ZFAT: variants seen among roughly 807,000 people sequenced by gnomAD.
ZFAT encodes the protein zinc finger and AT-hook domain containing.
ZFAT carries 64 observed loss-of-function variants against 117.7 expected under a neutral mutation model. The ratio of observed to expected loss-of-function variants is 0.54; its 90% CI spans 0.44 to 0.67. The LOEUF (loss-of-function observed/expected upper bound fraction) is 0.67. Among genes scored for constraint, ZFAT ranks in the 30% least tolerant of loss-of-function variants. The pLI is 0.00. For missense variants in ZFAT, 1,433 were observed against 1,584.5 expected (o/e 0.90, Z 1.62); for synonymous variants, 679 against 615.0 (o/e 1.10, Z -1.54).
At chr8:134,528,725 T>C (rs924448491) in intron 12 of ZFAT, among the ~76,000 whole-genome samples, 5 of 152,220 alleles carry the variant, frequency 3.3e-5, no homozygotes, top group African/African-American at 4.8e-5. Context: ...GAGAAGCAGC[T>C]AACTCCGCTC....
chr8:134,816,082 G>A, the ZFAT span, among the ~76,000 whole-genome samples: 8,174 of 152,228 alleles, frequency 0.054, 313 homozygotes, highest in Non-Finnish European at 0.08. Context: ...ATATAGTAAA[G>A]GGAGCTGCAT....
At chr8:134,805,462 CCT>C in the ZFAT span, among the ~76,000 whole-genome samples, 3 of 152,120 alleles carry the variant, frequency 2.0e-5, no homozygotes, top group Admixed American at 6.5e-5. Context: ...ACTTTCTTCC[CCT>C]GTCTCCAGCT....
chr8:134,710,810 GC>G (rs1489798363), intron 1 of ZFAT, among the ~76,000 whole-genome samples: 1 of 152,190 alleles, frequency 6.6e-6, no homozygotes, highest in Non-Finnish European at 1.5e-5. Context: ...CACTATCTCA[GC>G]CACACATATG....
intron 10 of ZFAT, among the ~76,000 whole-genome samples, chr8:134,578,411 CAAAAA>C (rs778606284): frequency 1.5e-5 from 1 of 68,424 alleles, no homozygotes. Flanking sequence ...AACTCTGTCT[CAAAAA>C]AAAAAAAAAA....
chr8:134,812,465 T>C, the ZFAT span, among the ~76,000 whole-genome samples: 2 of 152,214 alleles, frequency 1.3e-5, no homozygotes, highest in African/African-American at 4.8e-5. Flanking sequence ...GCGCAGTGGC[T>C]CATGCCTGTA....
chr8:134,754,358 A>C, the ZFAT span, among the ~76,000 whole-genome samples: 1 of 152,342 alleles, frequency 6.6e-6, no homozygotes, highest in Middle Eastern at 3.4e-3. Flanking sequence ...ATCTAGTAAT[A>C]AGTTTCCTCA....
chr8:134,712,869 C>T lies in ZFAT; in HGVS notation c.-6G>A. The T allele has an allele frequency of 6.7e-7, 1 of 1,492,346 alleles. No individual in the cohort carries two copies. The highest frequency in any genetic ancestry group is 8.9e-7 in the Non-Finnish European group (1 of 1,120,368). The allele number at this position is 1,492,346 out of a possible 1,614,324, so 92.4% of individuals were successfully genotyped here. On this transcript the variant is annotated 5_prime_UTR_variant, in exon 1 of 16. Coordinates refer to ENST00000377838, the MANE Select transcript of ZFAT (RefSeq NM_020863.4). ...CCTGCCGCCCGCGTCTCCATGGCAA[C>T]GCCCCACCGCGGAGGAAAAAAAAGC...
chr8:134,779,179 T>C, the ZFAT span, among the ~76,000 whole-genome samples: 1 of 152,210 alleles, frequency 6.6e-6, no homozygotes, highest in Non-Finnish European at 1.5e-5. Flanking sequence ...AGAAAGTGTC[T>C]TGTTTTTTTC....
chr8:134,605,706 G>C (rs192828060), intron 5 of ZFAT, among the ~76,000 whole-genome samples: 1 of 152,304 alleles, frequency 6.6e-6, no homozygotes, highest in East Asian at 1.9e-4. Flanking sequence ...GTTAAGAATG[G>C]GAAGCTGTTC....
At chr8:134,486,521 T>C (rs552940385) in intron 15 of ZFAT, among the ~76,000 whole-genome samples, 4 of 152,222 alleles carry the variant, frequency 2.6e-5, no homozygotes, top group Non-Finnish European at 5.9e-5. Context: ...GTAGATGTCA[T>C]TAATGTCCTT....
At chr8:134,595,550 C>T (rs1826862788) in intron 7 of ZFAT, among the ~76,000 whole-genome samples, 1 of 152,136 alleles carries the variant, frequency 6.6e-6, no homozygotes, top group Admixed American at 6.5e-5. Flanking sequence ...CACATCAGAA[C>T]CTAAAGCCTC....
At chr8:134,579,063 A>G (rs146572801) in intron 10 of ZFAT, among the ~76,000 whole-genome samples, 74 of 152,348 alleles carry the variant, frequency 4.9e-4, no homozygotes, top group African/African-American at 1.7e-3. Context: ...TCTCTTTACA[A>G]ACTTTGGCAA....
intron 15 of ZFAT, among the ~76,000 whole-genome samples, chr8:134,479,514 G>C (rs1336954998): frequency 6.6e-6 from 1 of 152,322 alleles, no homozygotes; most frequent in South Asian, 2.1e-4. Context: ...AATAACAACT[G>C]TCTTTGATCT....
chr8:134,604,911 G>C (rs1164214368), intron 5 of ZFAT, among the ~76,000 whole-genome samples: 2 of 152,178 alleles, frequency 1.3e-5, no homozygotes, highest in Non-Finnish European at 2.9e-5. Context: ...CACAAAGAAT[G>C]CCAAAGAAAG....
intron 10 of ZFAT, 57 bp downstream of exon 10, chr8:134,583,775 C>T (rs557335516): frequency 6.3e-7 from 1 of 1,581,592 alleles, no homozygotes; most frequent in African/African-American, 1.3e-5. Context: ...CAAACTGGAA[C>T]ATCAGCTTCA....
In ZFAT at chr8:134,509,791, G is replaced by A. The variant is rs781283700; in HGVS notation, c.3362-42C>T. 4 of 1,549,262 alleles carry A rather than the reference G, an allele frequency of 2.6e-6. No individual in the cohort carries two copies. The East Asian group carries it at 9.0e-5, about 35-fold the overall frequency. ...AAAGAGGACACCATTCAGGCCACTG[G>A]TGCTGAAGGACATGGAATGCAAAAC... On this transcript the variant is annotated intron_variant, in intron 14 of 15. Coordinates refer to ENST00000377838, the MANE Select transcript of ZFAT (RefSeq NM_020863.4).
chr8:134,782,474 T>C, the ZFAT span, among the ~76,000 whole-genome samples: 3 of 152,224 alleles, frequency 2.0e-5, no homozygotes, highest in Non-Finnish European at 4.4e-5. Flanking sequence ...TTTCCATAGT[T>C]CTAAGCTAAG....
chr8:134,676,257 A>C (rs1832797026), intron 1 of ZFAT, among the ~76,000 whole-genome samples: 1 of 35,118 alleles, frequency 2.8e-5, no homozygotes, highest in Non-Finnish European at 5.9e-5. Context: ...ATGGAAAGCA[A>C]AAAAAAAAAA....
chr8:134,656,578 T>A (rs1016086107), intron 2 of ZFAT, among the ~76,000 whole-genome samples: 2 of 152,212 alleles, frequency 1.3e-5, no homozygotes, highest in East Asian at 3.8e-4. Context: ...GAGGGACTTA[T>A]TAACCAAAAC....
Sources: gnomAD v4.1 joint callset for allele counts (sites outside exome capture counted in the v4.1 genomes callset) on GRCh38, gnomAD v4.1.1 for gene constraint, MANE v1.5 for transcripts, NCBI Gene and HGNC (gene_info 2026-07-23, HGNC 2026-07-21) for gene names.